Variants in DNAJC6 observed in about 807,000 individuals in gnomAD.
The protein encoded by DNAJC6 is DnaJ heat shock protein family (Hsp40) member C6.
In DNAJC6, 34 loss-of-function variants were observed where a neutral mutation model predicts 110.0. The ratio of observed to expected loss-of-function variants is 0.31; its 90% CI spans 0.24 to 0.41. The LOEUF (loss-of-function observed/expected upper bound fraction) is 0.41. Among genes scored for constraint, DNAJC6 ranks in the 10% least tolerant of loss-of-function variants. DNAJC6 has a pLI of 1.00. For synonymous variants in DNAJC6, 406 were observed against 437.2 expected, an observed-to-expected ratio of 0.93 and a Z score of 0.89; for missense variants, 1,031 against 1,207.8, an observed-to-expected ratio of 0.85 and a Z score of 2.17.
chr1:65,334,608 A>T (rs958334001), intron 1 of DNAJC6, among the ~76,000 whole-genome samples: 1 of 152,234 alleles, frequency 6.6e-6, no homozygotes. Context: ...TTTGTATTTT[A>T]ACAACATGCC....
At chr1:65,314,987 A>G (rs1247084373) in intron 1 of DNAJC6, among the ~76,000 whole-genome samples, 2 of 152,246 alleles carry the variant, frequency 1.3e-5, no homozygotes, top group East Asian at 3.8e-4. Flanking sequence ...CAGGTAGCCA[A>G]TGGTGGACAC....
chr1:65,348,233 C>T (rs1557534451), intron 1 of DNAJC6, among the ~76,000 whole-genome samples: 4 of 152,046 alleles, frequency 2.6e-5, no homozygotes, highest in South Asian at 2.1e-4. Flanking sequence ...TGAAATTTGT[C>T]GATAATTATT....
chr1:65,383,923 T>G (rs746061048), intron 5 of DNAJC6, among the ~76,000 whole-genome samples: 10 of 152,232 alleles, frequency 6.6e-5, no homozygotes, highest in Non-Finnish European at 1.3e-4. Context: ...CTTTGAAGAT[T>G]ATATTATTTT....
chr1:65,384,207 A>G lies in DNAJC6; in HGVS notation c.681A>G (p.Ala227=), dbSNP rs752731375. 40 of 1,529,176 alleles carry G rather than the reference A, an allele frequency of 2.6e-5. No individual in the cohort carries two copies. The highest frequency in any genetic ancestry group is 3.3e-5 in the Non-Finnish European group (38 of 1,141,238). The allele number at this position is 1,529,176 out of a possible 1,614,324, so 94.7% of individuals were successfully genotyped here. Residue 227 remains alanine (A), a synonymous_variant, in exon 6 of 19, where the codon GCA becomes GCG. Transcript: ENST00000371069. ...TTCTTTGACAGGATGGACGGGCGGC[A>G]TCATCAATTCTGGTTGGTGCTATGT... ...CVVHCLDGRA[A]SSILVGAMFI... is the part of the protein sequence containing the mutation.
At chr1:65,307,301 A>G (rs1014410962), upstream of DNAJC6, among the ~76,000 whole-genome samples, 3 of 152,010 alleles carry the variant, frequency 2.0e-5, no homozygotes, top group East Asian at 5.8e-4. Flanking sequence ...GATTATTAAT[A>G]GTTATCCTGA....
At chr1:65,353,216 T>A (rs2101525386) in intron 1 of DNAJC6, among the ~76,000 whole-genome samples, 1 of 152,206 alleles carries the variant, frequency 6.6e-6, no homozygotes, top group East Asian at 1.9e-4. Context: ...CTTTCTGGAG[T>A]TGAGGTTCCA....
intron 16 of DNAJC6, among the ~76,000 whole-genome samples, chr1:65,407,400 A>G (rs1646086920): frequency 6.6e-6 from 1 of 152,210 alleles, no homozygotes; most frequent in African/African-American, 2.4e-5. Flanking sequence ...CGCATATCAT[A>G]GGAAGCTGTG....
Position 65,309,947 on chromosome 1 carries a change from G to A in DNAJC6, c.193+9G>A. The A allele has an allele frequency of 1.4e-6, 2 of 1,441,286 alleles. No individual in the cohort carries two copies. The highest frequency in any genetic ancestry group is 1.8e-6 in the Non-Finnish European group (2 of 1,097,494). The allele number at this position is 1,441,286 out of a possible 1,614,324, so 89.3% of individuals were successfully genotyped here. ...CACCATGGACAGCTCAGGTAGCGCT[G>A]CCCGAGGGGAGTGCAGCGCTGAGCC... On this transcript the variant is annotated intron_variant, in intron 1 of 18. Transcript: ENST00000371069.
At chr1:65,364,308 TTG>T (rs774101283) in intron 1 of DNAJC6, among the ~76,000 whole-genome samples, 2 of 152,250 alleles carry the variant, frequency 1.3e-5, no homozygotes, top group Admixed American at 6.5e-5. Context: ...TTGGAATGTG[TTG>T]TGTGTTTTAT....
At chr1:65,334,294 C>CTTGA (rs1437636090) in intron 1 of DNAJC6, among the ~76,000 whole-genome samples, 1 of 152,244 alleles carries the variant, frequency 6.6e-6, no homozygotes, top group Non-Finnish European at 1.5e-5. Context: ...AAATGGCTTT[C>CTTGA]TTGAGATAAA....
rs766961674 is a variant in DNAJC6 at position 65,392,530 on chromosome 1, C to A, written c.1568C>A (p.Pro523Gln). Residue 523 changes from proline to glutamine, a missense_variant, in exon 12 of 19, where the codon CCG becomes CAG. Physicochemically the swap from Pro to Gln is moderately conservative, Grantham distance 76. Coordinates refer to ENST00000371069, the MANE Select transcript of DNAJC6 (RefSeq NM_001256864.2). ...SDDELLTLSS[P>Q]HGNANGDKPH... is the part of the protein sequence containing the mutation. ...GATGAACTTCTGACACTTTCCAGTC[C>A]GCATGGCAATGCCAATGGTGACAAG... 2 of 1,613,860 alleles carry A rather than the reference C, an allele frequency of 1.2e-6. No homozygotes were observed. The highest frequency in any genetic ancestry group is 1.7e-6 in the Non-Finnish European group (2 of 1,179,988).
chr1:65,359,269 T>G (rs1645576411), intron 1 of DNAJC6, among the ~76,000 whole-genome samples: 1 of 152,218 alleles, frequency 6.6e-6, no homozygotes, highest in African/African-American at 2.4e-5. Flanking sequence ...AACACAAATT[T>G]TATGTCACTC....
chr1:65,384,547 T>A (rs1239490479), intron 6 of DNAJC6, among the ~76,000 whole-genome samples: 1 of 152,140 alleles, frequency 6.6e-6, no homozygotes, highest in Non-Finnish European at 1.5e-5. Flanking sequence ...AGCCTCACAA[T>A]CATGGTGGAA....
chr1:65,387,843 A>T (rs2101604661), intron 8 of DNAJC6, among the ~76,000 whole-genome samples: 2 of 152,334 alleles, frequency 1.3e-5, no homozygotes, highest in Middle Eastern at 6.8e-3. Flanking sequence ...TAGGATTGAC[A>T]AGAGTAAGAC....
intron 1 of DNAJC6, among the ~76,000 whole-genome samples, chr1:65,283,090 G>C (rs1157052923): frequency 6.6e-6 from 1 of 152,098 alleles, no homozygotes; most frequent in Non-Finnish European, 1.5e-5. Context: ...TACCACCATA[G>C]TACAATATAA....
At chr1:65,309,027 G>A (rs763582096), upstream of DNAJC6, among the ~76,000 whole-genome samples, 2 of 152,120 alleles carry the variant, frequency 1.3e-5, no homozygotes, top group African/African-American at 4.8e-5. Context: ...TTCTTTTTCT[G>A]TTGAATTGAG....
intron 18 of DNAJC6, among the ~76,000 whole-genome samples, chr1:65,412,494 G>T (rs1449291356): frequency 6.6e-6 from 1 of 152,118 alleles, no homozygotes; most frequent in Non-Finnish European, 1.5e-5. Context: ...GAATTTTGAT[G>T]AATCAAAAGA....
At chr1:65,283,405 C>G (rs1653913699) in intron 1 of DNAJC6, among the ~76,000 whole-genome samples, 1 of 152,100 alleles carries the variant, frequency 6.6e-6, no homozygotes, top group South Asian at 2.1e-4. Context: ...GAAGGTATCC[C>G]CAAGATTGCC....
At chr1:65,365,321 G>C (rs1645635866) in intron 2 of DNAJC6, among the ~76,000 whole-genome samples, 1 of 152,094 alleles carries the variant, frequency 6.6e-6, no homozygotes, top group South Asian at 2.1e-4. Flanking sequence ...GGTCATAGGA[G>C]TTATTTTTTA....
Sources: allele counts gnomAD v4.1 joint callset (sites outside exome capture counted in the v4.1 genomes callset), GRCh38; gene constraint gnomAD v4.1.1; transcripts MANE v1.5; gene names NCBI Gene and HGNC (gene_info 2026-07-23, HGNC 2026-07-21).